GALC: variants seen among roughly 807,000 people sequenced by gnomAD.
GALC encodes the protein galactosylceramidase.
In GALC, 77 loss-of-function variants were observed where a neutral mutation model predicts 91.8. The observed-to-expected ratio is 0.84, with a 90% confidence interval of 0.70 to 1.01. GALC has a LOEUF of 1.01. Among genes scored for constraint, GALC ranks in the 50% least tolerant of loss-of-function variants. The pLI is 0.00. For missense variants in GALC, 882 were observed against 855.9 expected, an observed-to-expected ratio of 1.03 and a Z score of -0.38; for synonymous variants, 357 against 306.7, an observed-to-expected ratio of 1.16 and a Z score of -1.71.
At chr14:87,976,206 T>C in intron 7 of GALC, 152 bp downstream of exon 7, 2 of 708,776 alleles carry the variant, frequency 2.8e-6, no homozygotes, top group Non-Finnish European at 4.8e-6. Context: ...GAGAAAATAA[T>C]GAACTATGAG....
chr14:87,990,031 C>T (rs1208242962), intron 1 of GALC, among the ~76,000 whole-genome samples: 1 of 152,136 alleles, frequency 6.6e-6, no homozygotes, highest in African/African-American at 2.4e-5. Context: ...AGCTCAAATT[C>T]CACCTCTGGA....
chr14:87,960,666 A>T (rs1566986179), intron 10 of GALC, among the ~76,000 whole-genome samples: 1 of 152,196 alleles, frequency 6.6e-6, no homozygotes, highest in Admixed American at 6.5e-5. Context: ...TTCTAGAAAT[A>T]AACCCTCAAA....
intron 5 of GALC, among the ~76,000 whole-genome samples, chr14:87,982,518 T>C (rs1177399756): frequency 6.6e-6 from 1 of 152,246 alleles, no homozygotes; most frequent in Non-Finnish European, 1.5e-5. Flanking sequence ...GGAATATTCA[T>C]TAATTCATTC....
chr14:87,950,189 C>T (rs1488902970), intron 11 of GALC, among the ~76,000 whole-genome samples: 1 of 152,038 alleles, frequency 6.6e-6, no homozygotes, highest in Non-Finnish European at 1.5e-5. Flanking sequence ...ACATTCATTA[C>T]TGTACCTGTG....
upstream of GALC, chr14:87,993,391 T>G: frequency 2.0e-6 from 3 of 1,535,798 alleles, no homozygotes; most frequent in Non-Finnish European, 2.6e-6. Context: ...ACTGCTGGCT[T>G]CTCTTCCGGC....
At chr14:87,964,731 A>G (rs1199747159) in intron 9 of GALC, among the ~76,000 whole-genome samples, 1 of 152,144 alleles carries the variant, frequency 6.6e-6, no homozygotes, top group Non-Finnish European at 1.5e-5. Flanking sequence ...TAGAAATTTA[A>G]TTAATTTCTT....
chr14:87,993,130 C>A lies in GALC; in HGVS notation c.35G>T (p.Arg12Leu). Residue 12 changes from arginine to leucine, a missense_variant, in exon 1 of 17, where the codon CGC becomes CTC. By Grantham distance (102) the Arg-to-Leu change is moderately radical (BLOSUM62 -2). Coordinates refer to ENST00000261304, the MANE Select transcript of GALC (RefSeq NM_000153.4). The part of the protein sequence containing the change: ...AEWLLSASWQ[R>L]RAKAMTAAAG... Reference sequence around the variant, plus strand: ...GGCCGCAGTCATAGCTTTCGCTCGGCGTTGCCAGGAAGCCGAGAGTAGCCA... The same window carrying A: ...GGCCGCAGTCATAGCTTTCGCTCGGAGTTGCCAGGAAGCCGAGAGTAGCCA... 1 of 1,584,756 alleles carries A rather than the reference C, an allele frequency of 6.3e-7. No homozygotes were observed. The highest frequency in any genetic ancestry group is 2.3e-5 in the East Asian group (1 of 43,454).
intron 1 of GALC, 98 bp downstream of exon 1, chr14:87,992,872 C>G (rs907889101): frequency 8.5e-6 from 12 of 1,405,268 alleles, no homozygotes; most frequent in Middle Eastern, 2.6e-4. Context: ...AGAGTGGAGC[C>G]GGTGGAAACG....
chr14:87,936,916 A>ATATATATATATATATATATATT (rs1431339979), intron 16 of GALC, among the ~76,000 whole-genome samples: 3 of 139,566 alleles, frequency 2.1e-5, no homozygotes, highest in African/African-American at 8.3e-5. Flanking sequence ...ATATATATTT[A>ATATATATATATATATATATATT]TTTATTTTCT....
At chr14:87,946,211 C>T (rs1885065118) in intron 13 of GALC, among the ~76,000 whole-genome samples, 1 of 152,008 alleles carries the variant, frequency 6.6e-6, no homozygotes, top group Non-Finnish European at 1.5e-5. Context: ...CCAAATCATG[C>T]GTCACAATCA....
chr14:87,940,097 G>A (rs1829504836), intron 15 of GALC, 116 bp from the exon 16 acceptor site: 3 of 818,178 alleles, frequency 3.7e-6, no homozygotes, highest in Admixed American at 3.5e-5. Flanking sequence ...AGCCTCAACA[G>A]AGAGCTATGT....
At chr14:87,969,296 A>G (rs1886184736) in intron 7 of GALC, among the ~76,000 whole-genome samples, 1 of 152,196 alleles carries the variant, frequency 6.6e-6, no homozygotes, top group Non-Finnish European at 1.5e-5. Context: ...CAACCCCTAC[A>G]ACAAAAAAAT....
At chr14:87,961,810 C>A (rs1323444383) in intron 10 of GALC, among the ~76,000 whole-genome samples, 1 of 152,162 alleles carries the variant, frequency 6.6e-6, no homozygotes, top group East Asian at 1.9e-4. Flanking sequence ...GAATTCTCAC[C>A]AAGGCCTGCT....
At chr14:87,959,673 T>C (rs993281169) in intron 10 of GALC, 5 of 151,248 alleles carry the variant, frequency 3.3e-5, no homozygotes, top group Admixed American at 2.6e-4. Context: ...TGAGCCAAGA[T>C]TGCACCACTG....
At chr14:87,985,152 T>A (rs1886916770) in intron 4 of GALC, among the ~76,000 whole-genome samples, 1 of 152,146 alleles carries the variant, frequency 6.6e-6, no homozygotes, top group African/African-American at 2.4e-5. Context: ...ATCCTGATTA[T>A]GTTTAAGTAA....
intron 13 of GALC, among the ~76,000 whole-genome samples, chr14:87,946,022 G>A (rs150841316): frequency 6.6e-6 from 1 of 151,976 alleles, no homozygotes; most frequent in Non-Finnish European, 1.5e-5. Context: ...ATTCAAATTC[G>A]AGTTCAGTCT....
intron 10 of GALC, chr14:87,953,358 T>C (rs1433021576): frequency 3.1e-5 from 44 of 1,419,878 alleles, no homozygotes; most frequent in Non-Finnish European, 4.4e-5. Context: ...CTGAAGAGAA[T>C]TCCATTCAAC....
intron 7 of GALC, among the ~76,000 whole-genome samples, chr14:87,970,412 A>G (rs1188505256): frequency 6.6e-6 from 1 of 152,168 alleles, no homozygotes; most frequent in East Asian, 1.9e-4. Context: ...ATGAAAAAGT[A>G]ACTTTATTGA....
intron 4 of GALC, among the ~76,000 whole-genome samples, chr14:87,986,201 C>G (rs1886962164): frequency 6.6e-6 from 1 of 152,204 alleles, no homozygotes; most frequent in African/African-American, 2.4e-5. Context: ...CATTTACTAA[C>G]TGTCTATGAC....
Sources: allele counts gnomAD v4.1 joint callset (sites outside exome capture counted in the v4.1 genomes callset), GRCh38; gene constraint gnomAD v4.1.1; transcripts MANE v1.5; gene names NCBI Gene and HGNC (gene_info 2026-07-23, HGNC 2026-07-21).